The following IGF2BP2 variants were observed in gnomAD, a reference collection of about 807,000 sequenced individuals.
The protein encoded by IGF2BP2 is insulin like growth factor 2 mRNA binding protein 2.
Under a neutral mutation model 75.8 loss-of-function variants are expected in IGF2BP2, and 17 were observed. The ratio of observed to expected loss-of-function variants is 0.22; its 90% CI spans 0.15 to 0.34. IGF2BP2 has a LOEUF of 0.34. Among genes scored for constraint, IGF2BP2 ranks in the 10% least tolerant of loss-of-function variants. The probability of loss-of-function intolerance (pLI) is 1.00; values close to 1 mark genes in which losing one functional copy is unlikely to be tolerated. For synonymous variants in IGF2BP2, 288 were observed against 295.6 expected (o/e 0.97, Z 0.26); for missense variants, 516 against 772.4 (o/e 0.67, Z 3.93).
chr3:185,689,350 C>A lies in IGF2BP2; in HGVS notation c.677+5G>T. The stretch of plus-strand genomic sequence containing the variant: ...GGAAGCAAAGGAAGCCCCACAGGCA[C>A]GTACCGGGACTGGGTCTGCTTAGTG... On this transcript the variant is annotated splice_donor_5th_base_variant and intron_variant, in intron 6 of 15. Transcript: ENST00000382199. 1 of 1,611,520 alleles carries A rather than the reference C, an allele frequency of 6.2e-7. No homozygotes were observed. Among genetic ancestry groups the A allele is most frequent in the Non-Finnish European group, 8.5e-7 (1 of 1,179,356 alleles).
intron 5 of IGF2BP2, among the ~76,000 whole-genome samples, chr3:185,690,860 TC>T (rs1181248400): frequency 6.6e-6 from 1 of 152,212 alleles, no homozygotes; most frequent in African/African-American, 2.4e-5. Context: ...AAATACACTA[TC>T]CTTTTCACAT....
intron 11 of IGF2BP2, among the ~76,000 whole-genome samples, 163 bp downstream of exon 11, chr3:185,658,178 T>C (rs1186727344): frequency 6.6e-6 from 1 of 152,160 alleles, no homozygotes; most frequent in Non-Finnish European, 1.5e-5. Context: ...ACTCGGGTGC[T>C]GGGGAGTTTG....
At chr3:185,660,213 G>C (rs1560240742) in intron 10 of IGF2BP2, among the ~76,000 whole-genome samples, 1 of 152,138 alleles carries the variant, frequency 6.6e-6, no homozygotes, top group African/African-American at 2.4e-5. Flanking sequence ...GAACAGCTCT[G>C]GGCACCATGG....
intron 2 of IGF2BP2, chr3:185,820,997 C>T: frequency 2.0e-6 from 3 of 1,534,990 alleles, no homozygotes; most frequent in Non-Finnish European, 2.6e-6. Context: ...GCTTTGGTTT[C>T]AAATGTCACA....
At chr3:185,670,508 G>C (rs1315896086) in intron 10 of IGF2BP2, among the ~76,000 whole-genome samples, 1 of 152,122 alleles carries the variant, frequency 6.6e-6, no homozygotes, top group Non-Finnish European at 1.5e-5. Context: ...TAAATGGTGA[G>C]CTAGATTTGG....
chr3:185,803,576 TTC>T (rs1448994571), intron 2 of IGF2BP2, among the ~76,000 whole-genome samples: 1 of 152,230 alleles, frequency 6.6e-6, no homozygotes, highest in Non-Finnish European at 1.5e-5. Flanking sequence ...TTTAACCACT[TTC>T]TGTCACATGA....
intron 13 of IGF2BP2, among the ~76,000 whole-genome samples, chr3:185,650,250 G>A (rs1030428391): frequency 6.6e-6 from 1 of 151,828 alleles, no homozygotes; most frequent in African/African-American, 2.4e-5. Context: ...TAACTCCAAA[G>A]GCAGAGGAGC....
At chr3:185,726,015 T>G (rs1278901262) in intron 2 of IGF2BP2, among the ~76,000 whole-genome samples, 1 of 152,130 alleles carries the variant, frequency 6.6e-6, no homozygotes, top group African/African-American at 2.4e-5. Context: ...TGAACACTGG[T>G]GTTGGTTAAA....
intron 2 of IGF2BP2, among the ~76,000 whole-genome samples, chr3:185,786,911 C>T (rs1328246676): frequency 1.3e-5 from 2 of 152,174 alleles, no homozygotes; most frequent in Non-Finnish European, 2.9e-5. Flanking sequence ...GCCTCTAAGG[C>T]ATATTCTTCT....
chr3:185,660,227 C>A (rs2149114383), intron 10 of IGF2BP2, among the ~76,000 whole-genome samples: 2 of 152,274 alleles, frequency 1.3e-5, no homozygotes, highest in East Asian at 1.9e-4. Flanking sequence ...ACCATGGAAC[C>A]AATTCCCACA....
intron 2 of IGF2BP2, among the ~76,000 whole-genome samples, chr3:185,766,350 C>T (rs1298662186): frequency 6.6e-6 from 1 of 151,994 alleles, no homozygotes; most frequent in African/African-American, 2.4e-5. Flanking sequence ...AGAACGTGGA[C>T]CAACAAACTA....
intron 2 of IGF2BP2, among the ~76,000 whole-genome samples, chr3:185,765,765 A>C (rs1389905079): frequency 6.6e-6 from 1 of 152,182 alleles, no homozygotes; most frequent in African/African-American, 2.4e-5. Context: ...CATTGGCTGA[A>C]AGAAATTCTA....
chr3:185,676,007 C>G (rs1719290616), intron 7 of IGF2BP2, 94 bp from the exon 8 acceptor site: 1 of 1,488,246 alleles, frequency 6.7e-7, no homozygotes. Context: ...AAATGGAAGT[C>G]ATTTTGTTCA....
At chr3:185,654,112 C>A (rs1454983825) in intron 12 of IGF2BP2, among the ~76,000 whole-genome samples, 1 of 152,178 alleles carries the variant, frequency 6.6e-6, no homozygotes, top group Non-Finnish European at 1.5e-5. Context: ...GAAGGAGGGG[C>A]CCCTTCATGG....
At chr3:185,716,789 G>A in intron 2 of IGF2BP2, 1 of 519,212 alleles carries the variant, frequency 1.9e-6, no homozygotes, top group South Asian at 1.4e-5. Flanking sequence ...GGTCATGCCT[G>A]GTTAACATTT....
At chr3:185,713,378 T>A (rs754900094) in intron 2 of IGF2BP2, 1 of 519,562 alleles carries the variant, frequency 1.9e-6, no homozygotes, top group East Asian at 5.4e-5. Flanking sequence ...TGAGGAAAAC[T>A]TAAGGCATGG....
chr3:185,815,745 T>G (rs1268960945), intron 2 of IGF2BP2, among the ~76,000 whole-genome samples: 1 of 152,082 alleles, frequency 6.6e-6, no homozygotes, highest in Non-Finnish European at 1.5e-5. Flanking sequence ...TTTTTTTCCT[T>G]GATAATTCCT....
chr3:185,777,122 A>G (rs1173116537), intron 2 of IGF2BP2, among the ~76,000 whole-genome samples: 1 of 152,176 alleles, frequency 6.6e-6, no homozygotes, highest in Non-Finnish European at 1.5e-5. Context: ...AAAAGAAGAA[A>G]CTACAGGAAG....
chr3:185,770,020 C>T (rs574948042), intron 2 of IGF2BP2, among the ~76,000 whole-genome samples: 47 of 152,126 alleles, frequency 3.1e-4, no homozygotes, highest in Admixed American at 2.5e-3. Context: ...TCCCAAAGTT[C>T]GGCCCCTGGG....
Sources: gnomAD v4.1 joint callset for allele counts (sites outside exome capture counted in the v4.1 genomes callset) on GRCh38, gnomAD v4.1.1 for gene constraint, MANE v1.5 for transcripts, NCBI Gene and HGNC (gene_info 2026-07-23, HGNC 2026-07-21) for gene names.